The following MEGF10 variants were observed in gnomAD, a reference collection of about 807,000 sequenced individuals.
MEGF10 encodes the protein multiple EGF like domains 10, also known as multiple epidermal growth factor-like domains protein 10.
Under a neutral mutation model 147.5 loss-of-function variants are expected in MEGF10, and 86 were observed. That is an observed-to-expected ratio of 0.58 (90% CI 0.49 to 0.70). The LOEUF (loss-of-function observed/expected upper bound fraction) is 0.70, where lower values mean the gene tolerates loss of function less well. MEGF10 is among the 30% of genes least tolerant of loss of function. The pLI is 0.00. For synonymous variants in MEGF10, 478 were observed against 525.5 expected (o/e 0.91, Z 1.24); for missense variants, 1,329 against 1,487.3 (o/e 0.89, Z 1.75).
At chr5:127,312,017 C>T (rs1210562827) in intron 1 of MEGF10, among the ~76,000 whole-genome samples, 6 of 152,046 alleles carry the variant, frequency 3.9e-5, no homozygotes, top group Non-Finnish European at 8.8e-5. Context: ...CAGCAGCATC[C>T]CATCACAACT....
chr5:127,389,349 GAAA>G (rs1207374533), intron 5 of MEGF10, among the ~76,000 whole-genome samples: 2 of 152,050 alleles, frequency 1.3e-5, no homozygotes, highest in Admixed American at 6.5e-5. Flanking sequence ...CAATTATTGT[GAAA>G]ACAGTGTGGT....
chr5:127,337,079 T>C (rs1761499270), intron 2 of MEGF10, among the ~76,000 whole-genome samples: 1 of 152,098 alleles, frequency 6.6e-6, no homozygotes, highest in Non-Finnish European at 1.5e-5. Flanking sequence ...AGGACGGCCA[T>C]ACAGAAAACA....
chr5:127,337,355 G>A (rs1761508708), intron 2 of MEGF10, among the ~76,000 whole-genome samples: 1 of 152,052 alleles, frequency 6.6e-6, no homozygotes. Flanking sequence ...AGTTGCAGCT[G>A]CCTGCTGCAT....
intron 4 of MEGF10, among the ~76,000 whole-genome samples, chr5:127,342,188 T>A (rs1761706019): frequency 6.6e-6 from 1 of 152,016 alleles, no homozygotes; most frequent in Non-Finnish European, 1.5e-5. Context: ...TGGCCCAGGC[T>A]GATGGGAAAT....
chr5:127,378,295 C>T (rs1763108692), intron 5 of MEGF10, among the ~76,000 whole-genome samples: 1 of 152,058 alleles, frequency 6.6e-6, no homozygotes. Context: ...CTGTGCATGG[C>T]AGTATATAAT....
Position 127,408,444 on chromosome 5 carries a change from C to T in MEGF10, c.918-1945C>T, listed in dbSNP as rs75142702. ...ATGAGACCACATTATTGTACTTAAG[C>T]ATTTATTTCCTTAAAGTTTACATCT... is the stretch of plus-strand genomic sequence containing the variant. On this transcript the variant is annotated intron_variant, in intron 8 of 24. Coordinates refer to ENST00000503335, the MANE Select transcript of MEGF10 (RefSeq NM_001256545.2). 5.4e-3 allele frequency among the ~76,000 whole-genome samples: 827 copies of T among 152,236 alleles called. 6 individuals are homozygous for T. Among genetic ancestry groups the T allele is most frequent in the African/African-American group, 0.019 (797 of 41,550 alleles).
chr5:127,231,042 C>T, the MEGF10 span, among the ~76,000 whole-genome samples: 1 of 152,102 alleles, frequency 6.6e-6, no homozygotes, highest in African/African-American at 2.4e-5. Flanking sequence ...TGGTGACTCC[C>T]CACTACCTCT....
At chr5:127,357,150 T>C (rs1762305905) in intron 4 of MEGF10, among the ~76,000 whole-genome samples, 2 of 152,224 alleles carry the variant, frequency 1.3e-5, no homozygotes, top group African/African-American at 4.8e-5. Flanking sequence ...AAAGCTTTAG[T>C]TGAAGCTGGA....
chr5:127,341,659 G>A (rs1439057613), intron 4 of MEGF10, among the ~76,000 whole-genome samples: 1 of 151,978 alleles, frequency 6.6e-6, no homozygotes, highest in Non-Finnish European at 1.5e-5. Flanking sequence ...CAGAATCAGG[G>A]CTATATTTAA....
intron 1 of MEGF10, among the ~76,000 whole-genome samples, chr5:127,317,777 G>A (rs1041036267): frequency 6.6e-6 from 1 of 152,166 alleles, no homozygotes; most frequent in Non-Finnish European, 1.5e-5. Context: ...GGGAGGGATA[G>A]CATTAGGAGA....
At chr5:127,267,383 C>T in the MEGF10 span, among the ~76,000 whole-genome samples, 5 of 152,050 alleles carry the variant, frequency 3.3e-5, no homozygotes, top group Non-Finnish European at 5.9e-5. Context: ...GTAAAATTCT[C>T]TTTTTTTATT....
intron 13 of MEGF10, among the ~76,000 whole-genome samples, chr5:127,425,247 A>G (rs1409354469): frequency 2.6e-5 from 4 of 152,208 alleles, no homozygotes; most frequent in Non-Finnish European, 5.9e-5. Flanking sequence ...CCTTAGACCT[A>G]TCAAGCTCCT....
chr5:127,259,713 T>C, the MEGF10 span, among the ~76,000 whole-genome samples: 1 of 152,094 alleles, frequency 6.6e-6, no homozygotes, highest in African/African-American at 2.4e-5. Context: ...TCTGGAACCA[T>C]GGGAAACTGG....
intron 1 of MEGF10, among the ~76,000 whole-genome samples, chr5:127,309,642 T>C (rs2585190): frequency 0.66 from 99,758 of 151,448 alleles, 33,189 homozygotes; most frequent in Middle Eastern, 0.8. Flanking sequence ...TGAGGCTAAA[T>C]AATATTCAGT....
At chr5:127,251,928 A>G in the MEGF10 span, among the ~76,000 whole-genome samples, 12 of 152,010 alleles carry the variant, frequency 7.9e-5, no homozygotes, top group African/African-American at 2.9e-4. Flanking sequence ...ATAGGAAAAT[A>G]ACAATCCCTC....
chr5:127,357,884 C>G (rs1342582242), intron 4 of MEGF10, among the ~76,000 whole-genome samples: 1 of 152,130 alleles, frequency 6.6e-6, no homozygotes. Context: ...AGACAAGAAA[C>G]TGAAGGAAAG....
At chr5:127,403,383 C>A (rs1764201606) in intron 8 of MEGF10, among the ~76,000 whole-genome samples, 1 of 152,082 alleles carries the variant, frequency 6.6e-6, no homozygotes, top group Admixed American at 6.6e-5. Context: ...GTGAACTAAG[C>A]ACATTATGCG....
intron 1 of MEGF10, among the ~76,000 whole-genome samples, chr5:127,324,838 T>C (rs911603813): frequency 1.3e-5 from 2 of 152,224 alleles, no homozygotes; most frequent in Admixed American, 6.5e-5. Flanking sequence ...CAATCTGTTA[T>C]AAAACCTTCT....
the MEGF10 span, among the ~76,000 whole-genome samples, chr5:127,253,510 A>T: frequency 6.6e-6 from 1 of 152,054 alleles, no homozygotes; most frequent in Non-Finnish European, 1.5e-5. Context: ...GAAAATTATA[A>T]TACACAATTA....
Sources: allele counts gnomAD v4.1 joint callset (sites outside exome capture counted in the v4.1 genomes callset), GRCh38; gene constraint gnomAD v4.1.1; transcripts MANE v1.5; gene names NCBI Gene and HGNC (gene_info 2026-07-23, HGNC 2026-07-21).